Variants in SBF1 observed in about 807,000 individuals in gnomAD.
SBF1 encodes SET binding factor 1, also known as myotubularin-related protein 5.
SBF1 carries 65 observed loss-of-function variants against 215.8 expected under a neutral mutation model. The ratio of observed to expected loss-of-function variants is 0.30; its 90% confidence interval spans 0.25 to 0.37. The LOEUF (loss-of-function observed/expected upper bound fraction) is 0.37. SBF1 is among the 10% of genes least tolerant of loss of function. The pLI is 1.00. For missense variants in SBF1, 2,634 were observed against 2,667.8 expected (o/e 0.99, Z 0.28); for synonymous variants, 1,410 against 1,122.8 (o/e 1.26, Z -5.11).
chr22:50,454,137 G>A (rs764684381), intron 36 of SBF1, among the ~76,000 whole-genome samples: 53 of 152,220 alleles, frequency 3.5e-4, no homozygotes, highest in African/African-American at 1.0e-3. Context: ...TGGGGCAGGC[G>A]GTCTGGCAGA....
intron 36 of SBF1, among the ~76,000 whole-genome samples, 193 bp downstream of exon 36, chr22:50,454,319 G>C (rs114255069): frequency 6.6e-6 from 1 of 152,100 alleles, no homozygotes; most frequent in African/African-American, 2.4e-5. Flanking sequence ...TGAGTGGTGC[G>C]GGGCCCTGGG....
chr22:50,457,170 TG>T, intron 28 of SBF1, 59 bp from the exon 29 acceptor site: 3 of 1,360,888 alleles, frequency 2.2e-6, no homozygotes, highest in Non-Finnish European at 2.9e-6. Flanking sequence ...GTGCCCAGCT[TG>T]GGGGTGCCTA....
chr22:50,458,019 G>A (rs1482616434), intron 28 of SBF1, among the ~76,000 whole-genome samples: 1 of 152,222 alleles, frequency 6.6e-6, no homozygotes, highest in Non-Finnish European at 1.5e-5. Context: ...GTCAGAGCTG[G>A]CCAGGCGCAG....
intron 1 of SBF1, among the ~76,000 whole-genome samples, chr22:50,471,232 G>A (rs1218042326): frequency 2.0e-5 from 3 of 152,210 alleles, no homozygotes; most frequent in Non-Finnish European, 4.4e-5. Flanking sequence ...GCCACCTAAG[G>A]ACAACACTGG....
At chr22:50,469,621 G>C (rs144343946) in intron 1 of SBF1, among the ~76,000 whole-genome samples, 1 of 152,256 alleles carries the variant, frequency 6.6e-6, no homozygotes, top group Non-Finnish European at 1.5e-5. Context: ...CACACAAACC[G>C]CAGGTCCCCA....
At chr22:50,460,808 GAC>G in intron 23 of SBF1, 96 bp from the exon 24 acceptor site, 1 of 1,336,238 alleles carries the variant, frequency 7.5e-7, no homozygotes, top group Admixed American at 1.9e-5. Context: ...TCGCAGCCAT[GAC>G]AGAGAGAGAA....
At position 50,464,731 on chromosome 22, in the gene SBF1, G is replaced by A. The variant is rs752876434; in HGVS notation, c.1439C>T (p.Pro480Leu). The change falls in exon 14 of 41, where the codon CCG (proline) becomes CTG (leucine). Residue 480 changes from proline to leucine, a missense_variant. Physicochemically the swap from Pro to Leu is moderately conservative, Grantham distance 98 (BLOSUM62 -3). Coordinates refer to ENST00000380817, the MANE Select transcript of SBF1 (RefSeq NM_002972.4). ...CTTGTGCATCGCCACGGCTGGGTACGGGTTCTCCTGTGGGGAGACGGCAGG... is the reference window on the plus strand; with the variant it reads ...CTTGTGCATCGCCACGGCTGGGTACAGGTTCTCCTGTGGGGAGACGGCAGG... ...LAEQLYKNEN[P>L]YPAVAMHKVQ... 1.9e-5 allele frequency: 31 copies of A among 1,607,680 alleles called. No homozygotes were observed. The highest frequency in any genetic ancestry group is 1.7e-4 in the Middle Eastern group (1 of 6,040).
In SBF1 at chr22:50,456,961, A is replaced by G. The variant is rs548947314; in HGVS notation, c.3904+73T>C. On this transcript the variant is annotated intron_variant, in intron 29 of 40. Coordinates refer to ENST00000380817, the MANE Select transcript of SBF1 (RefSeq NM_002972.4). ...GTGGAGGGAGACATTAGTGCCCGCAATAACTCAGTGCACACTAGAGGCCGC... is the reference window on the plus strand; with the variant it reads ...GTGGAGGGAGACATTAGTGCCCGCAGTAACTCAGTGCACACTAGAGGCCGC... 56 of 1,234,054 alleles carry G rather than the reference A, an allele frequency of 4.5e-5. 1 individual carries two copies. In the East Asian group the frequency reaches 9.7e-4, roughly 21 times the overall value. The allele number at this position is 1,234,054 out of a possible 1,614,324, so 76.4% of individuals were successfully genotyped here.
chr22:50,466,427 G>A lies in SBF1; in HGVS notation c.711C>T (p.Leu237=). The change falls in exon 7 of 41, where the codon CTC becomes CTT. Residue 237 remains leucine (L), a synonymous_variant. Coordinates refer to ENST00000380817, the MANE Select transcript of SBF1 (RefSeq NM_002972.4). ...GCCGCTGGTAGCTCCGGGACAGGAA[G>A]AGAACCTTGTGCTCCGTGAGGGCGG... ...FCAALTEHKV[L]FLSRSYQRLA... is the part of the protein sequence containing the mutation. 9.7e-6 allele frequency: 15 copies of A among 1,552,906 alleles called. No homozygotes were observed. Among genetic ancestry groups the A allele is most frequent in the Non-Finnish European group, 1.3e-5 (15 of 1,147,660 alleles).
In SBF1 at chr22:50,467,876, C is replaced by T. The variant is rs778155715; in HGVS notation, c.189G>A (p.Pro63=). Residue 63 remains proline (P), a synonymous_variant, in exon 3 of 41, where the codon CCG becomes CCA. Coordinates refer to ENST00000380817, the MANE Select transcript of SBF1 (RefSeq NM_002972.4). The part of the protein sequence containing the change: ...GWQLCPERNP[P]TFFVAVLTDI... ...CGGTGAGGACAGCAACAAAGAAGGT[C>T]GGTGGATTCCTCTCGGGACACAGCT... The T allele has an allele frequency of 1.6e-5, 26 of 1,613,868 alleles. No individual in the cohort carries two copies. The highest frequency in any genetic ancestry group is 3.3e-5 in the South Asian group (3 of 91,054).
At chr22:50,461,433 G>A (rs1021285107) in intron 22 of SBF1, 90 bp downstream of exon 22, 33 of 1,497,652 alleles carry the variant, frequency 2.2e-5, no homozygotes, top group Middle Eastern at 3.7e-4. Context: ...CAGAACCCCC[G>A]AGAAAAGGGA....
Position 50,474,822 on chromosome 22 carries a change from A to G in SBF1, c.19T>C (p.Tyr7His). 4 of 1,430,120 alleles carry G rather than the reference A, an allele frequency of 2.8e-6. No homozygotes were observed. The highest frequency in any genetic ancestry group is 3.7e-6 in the Non-Finnish European group (4 of 1,093,894). The allele number at this position is 1,430,120 out of a possible 1,614,324, so 88.6% of individuals were successfully genotyped here. ...GGCCCGAACGCCACCAGCACGAAGT[A>G]GTCCGCGAGCCGCGCCATGGCGAGG... is the stretch of plus-strand genomic sequence containing the variant. MARLADYFVLVAFGPHP... is the reference protein window; with the variant it reads MARLADHFVLVAFGPHP... Residue 7 changes from tyrosine to histidine, a missense_variant, in exon 1 of 41, where the codon TAC becomes CAC. Transcript: ENST00000380817.
rs774239461 is a variant in SBF1, at chr22:50,456,322, G to A, written c.4160C>T (p.Ala1387Val). 1.9e-6 allele frequency: 3 copies of A among 1,612,930 alleles called. No homozygotes were observed. The Admixed American group carries it at 5.0e-5, about 27-fold the overall frequency. Residue 1387 changes from alanine to valine, a missense_variant, in exon 31 of 41, where the codon GCT (alanine) becomes GTT (valine). By Grantham distance (64) the Ala-to-Val change is moderately conservative (BLOSUM62 0). Transcript: ENST00000380817. ...TGCTTTCAGCAGCTTCTTGAAGCTA[G>A]CCTTCACCTGCCGTGCCTCGAATAC... ...IEVFEARQVK[A>V]SFKKLLKACV...
intron 1 of SBF1, among the ~76,000 whole-genome samples, chr22:50,470,178 A>C: frequency 2.8e-5 from 4 of 142,586 alleles, no homozygotes; most frequent in Non-Finnish European, 4.6e-5. Flanking sequence ...GCCCCAAACC[A>C]CCATCTGGGC....
Position 50,448,436 on chromosome 22 carries a change from A to T in SBF1, c.5160T>A (p.Pro1720=), listed in dbSNP as rs1383095834. The T allele has an allele frequency of 6.2e-7, 1 of 1,613,502 alleles. No individual in the cohort carries two copies. The highest frequency in any genetic ancestry group is 1.3e-5 in the African/African-American group (1 of 74,938). ...GTGCGGTGGACACAAGGAGGGAGCTAGGGGTGCCCTGGGAACAGGAGGTTG... is the reference window on the plus strand; with the variant it reads ...GTGCGGTGGACACAAGGAGGGAGCTTGGGGTGCCCTGGGAACAGGAGGTTG... ...LEGRPDGRGT[P]SSLLVSTAPH... is the part of the protein sequence containing the mutation. The change falls in exon 38 of 41, where the codon CCT becomes CCA. Residue 1720 remains proline, a synonymous_variant. Coordinates refer to ENST00000380817, the MANE Select transcript of SBF1 (RefSeq NM_002972.4).
rs770299661 is a variant in SBF1 at position 50,447,310 on chromosome 22, G to GC, written c.5583+11dup. On this transcript the variant is annotated intron_variant, in intron 40 of 40. Coordinates refer to ENST00000380817, the MANE Select transcript of SBF1 (RefSeq NM_002972.4). ...AGCCCCTCCCCTCTCCCAAGCCCCG[G>GC]CCAAGGCTCACGTCAAAGAAGGCCT... is the stretch of plus-strand genomic sequence containing the variant. The GC allele has an allele frequency of 3.1e-5, 50 of 1,613,562 alleles. No individual in the cohort carries two copies. The highest frequency in any genetic ancestry group is 1.0e-4 in the Admixed American group (6 of 60,000).
chr22:50,447,497 T>TGCCCCC, intron 39 of SBF1, 25 bp downstream of exon 39: 1 of 1,296,388 alleles, frequency 7.7e-7, no homozygotes, highest in Non-Finnish European at 1.1e-6. Context: ...CCCCCGTGAG[T>TGCCCCC]CCCCCCCACC....
At position 50,464,912 on chromosome 22, in the gene SBF1, C is replaced by T. The variant is rs1178531201; in HGVS notation, c.1338G>A (p.Val446=). 1 of 1,613,796 alleles carries T rather than the reference C, an allele frequency of 6.2e-7. No homozygotes were observed. The highest frequency in any genetic ancestry group is 2.2e-5 in the East Asian group (1 of 44,878). ...YRPTDLFDEL[V]AHEVARMRAD... is the part of the protein sequence containing the mutation. ...CCCGCATCCTTGCCACCTCGTGGGCCACCAGCTAGCGGGGTAAGCAGGAGG... is the reference window on the plus strand; with the variant it reads ...CCCGCATCCTTGCCACCTCGTGGGCTACCAGCTAGCGGGGTAAGCAGGAGG... Residue 446 remains valine, a synonymous_variant, in exon 13 of 41, where the codon GTG becomes GTA. Coordinates refer to ENST00000380817, the MANE Select transcript of SBF1 (RefSeq NM_002972.4).
In SBF1 at chr22:50,446,729, T is replaced by G. The variant is rs975785874; in HGVS notation, c.*413A>C. The G allele has an allele frequency of 2.2e-6, 1 of 449,258 alleles. No homozygotes were observed. The highest frequency in any genetic ancestry group is 2.0e-5 in the African/African-American group (1 of 50,224). The allele number at this position is 449,258 out of a possible 1,614,324, so 27.8% of individuals were successfully genotyped here. Reference sequence around the variant, plus strand: ...ATGCCAACCTCCCGCCAGGTGGGCCTGGATAGGGGCAGATGGGACCCTCTG... The same window carrying G: ...ATGCCAACCTCCCGCCAGGTGGGCCGGGATAGGGGCAGATGGGACCCTCTG... On this transcript the variant is annotated 3_prime_UTR_variant, in exon 41 of 41. Transcript: ENST00000380817.
Sources: gnomAD v4.1 joint callset for allele counts (sites outside exome capture counted in the v4.1 genomes callset) on GRCh38, gnomAD v4.1.1 for gene constraint, MANE v1.5 for transcripts, NCBI Gene and HGNC (gene_info 2026-07-23, HGNC 2026-07-21) for gene names.